AP4E1: variants seen among roughly 807,000 people sequenced by gnomAD.
The protein encoded by AP4E1 is adaptor related protein complex 4 subunit epsilon 1.
In AP4E1, 56 loss-of-function variants were observed where a neutral mutation model predicts 128.2. The ratio of observed to expected loss-of-function variants is 0.44; its 90% CI spans 0.35 to 0.55. The LOEUF is 0.55. Among genes scored for constraint, AP4E1 ranks in the 20% least tolerant of loss-of-function variants. AP4E1 has a pLI of 0.00. For missense variants in AP4E1, 1,324 were observed against 1,307.7 expected, an observed-to-expected ratio of 1.01 and a Z score of -0.19; for synonymous variants, 484 against 473.1, an observed-to-expected ratio of 1.02 and a Z score of -0.30.
chr15:50,924,075 A>T, intron 4 of AP4E1, 71 bp downstream of exon 4: 1 of 1,255,922 alleles, frequency 8.0e-7, no homozygotes, highest in Non-Finnish European at 1.2e-6. Context: ...CCTCGATCAT[A>T]TTCAACTAGA....
intron 2 of AP4E1, among the ~76,000 whole-genome samples, chr15:50,912,834 TG>T (rs2141127681): frequency 6.6e-6 from 1 of 152,244 alleles, no homozygotes; most frequent in Non-Finnish European, 1.5e-5. Context: ...GGCTAATTTT[TG>T]TATTTTTAGT....
intron 14 of AP4E1, among the ~76,000 whole-genome samples, chr15:50,962,540 T>C (rs1286902022): frequency 6.6e-6 from 1 of 151,912 alleles, no homozygotes; most frequent in Non-Finnish European, 1.5e-5. Context: ...TGAAAAGCCT[T>C]GATATCAGCA....
At chr15:50,917,840 G>T (rs774772764) in intron 3 of AP4E1, among the ~76,000 whole-genome samples, 1 of 152,074 alleles carries the variant, frequency 6.6e-6, no homozygotes, top group African/African-American at 2.4e-5. Context: ...TGGCTCATGC[G>T]TGTAATCCCA....
chr15:50,945,627 A>C (rs2064049773), intron 10 of AP4E1: 1 of 768,120 alleles, frequency 1.3e-6, no homozygotes, highest in African/African-American at 1.7e-5. Context: ...TATATCACAC[A>C]AAGCGAATGC....
chr15:50,933,450 A>G (rs551275572), intron 7 of AP4E1, among the ~76,000 whole-genome samples: 8 of 152,238 alleles, frequency 5.3e-5, no homozygotes, highest in Middle Eastern at 3.4e-3. Flanking sequence ...TCTTAGATTT[A>G]TTAAGATTTA....
intron 14 of AP4E1, among the ~76,000 whole-genome samples, chr15:50,960,198 C>T (rs979530114): frequency 6.6e-5 from 10 of 152,114 alleles, no homozygotes; most frequent in African/African-American, 2.2e-4. Flanking sequence ...ACATCACTTT[C>T]GGAATAAGAC....
intron 8 of AP4E1, among the ~76,000 whole-genome samples, chr15:50,936,383 G>GT (rs555308137): frequency 2.0e-5 from 3 of 150,998 alleles, no homozygotes; most frequent in African/African-American, 4.9e-5. Context: ...CTTGCAGAAA[G>GT]TTTTTTTTAT....
intron 3 of AP4E1, among the ~76,000 whole-genome samples, chr15:50,916,138 T>C (rs1214474794): frequency 2.0e-5 from 3 of 152,078 alleles, no homozygotes; most frequent in Non-Finnish European, 2.9e-5. Context: ...CTATGTTGCA[T>C]AGGCTGGTCT....
At chr15:50,946,260 C>T (rs146366966) in intron 10 of AP4E1, among the ~76,000 whole-genome samples, 87 of 152,222 alleles carry the variant, frequency 5.7e-4, no homozygotes, top group African/African-American at 2.1e-3. Flanking sequence ...TACAGATATA[C>T]TCTGTATATT....
chr15:50,937,276 T>C (rs1342106830), intron 8 of AP4E1, among the ~76,000 whole-genome samples: 2 of 152,236 alleles, frequency 1.3e-5, no homozygotes, highest in Non-Finnish European at 2.9e-5. Flanking sequence ...ATGAGTAATA[T>C]GCTTTAATTG....
chr15:50,990,682 A>G (rs2064794262), intron 16 of AP4E1, among the ~76,000 whole-genome samples: 1 of 152,180 alleles, frequency 6.6e-6, no homozygotes, highest in African/African-American at 2.4e-5. Flanking sequence ...GCACCTGGCC[A>G]TATTTTCCCA....
In AP4E1 at chr15:50,930,842, T is replaced by C. The variant is rs1215087297; in HGVS notation, c.740T>C (p.Phe247Ser). 5 of 1,614,014 alleles carry C rather than the reference T, an allele frequency of 3.1e-6. No homozygotes were observed. Among genetic ancestry groups the C allele is most frequent in the African/African-American group, 1.3e-5 (1 of 74,910 alleles). Residue 247 changes from phenylalanine (F) to serine (S), a missense_variant, in exon 7 of 21, where the codon TTT becomes TCT. Coordinates refer to ENST00000261842, the MANE Select transcript of AP4E1 (RefSeq NM_007347.5). ...GGATATAAAGACTTGACTGGGAGTT[T>C]TGTAACCATTTTGAAGCAAGTAGTT... Reference protein sequence around the residue: ...SSGYKDLTGSFVTILKQVVGG... With the variant: ...SSGYKDLTGSSVTILKQVVGG...
intron 1 of AP4E1, among the ~76,000 whole-genome samples, chr15:50,910,057 G>T (rs556005084): frequency 6.6e-6 from 1 of 152,350 alleles, no homozygotes; most frequent in Non-Finnish European, 1.5e-5. Flanking sequence ...TGCGATCTTG[G>T]CTCACTGGAG....
chr15:50,963,980 C>T, intron 14 of AP4E1, among the ~76,000 whole-genome samples: 1 of 152,324 alleles, frequency 6.6e-6, no homozygotes, highest in Non-Finnish European at 1.5e-5. Flanking sequence ...AGGCGTGAGC[C>T]ACCACTCCTG....
rs28812261 is a variant in AP4E1 at position 50,975,383 on chromosome 15, C to A, written c.1966+7006C>A. Among the ~76,000 whole-genome samples, 720 of 152,274 alleles carry A rather than the reference C, an allele frequency of 4.7e-3. 10 individuals are homozygous for A. Among genetic ancestry groups the A allele is most frequent in the African/African-American group, 0.017 (700 of 41,564 alleles). On this transcript the variant is annotated intron_variant, in intron 15 of 20. Transcript: ENST00000261842. ...TTGTACCATTGCACTCCAGCCTGAGCAACAAGAGCAAAACTTCATCTCTTT... is the reference window on the plus strand; with the variant it reads ...TTGTACCATTGCACTCCAGCCTGAGAAACAAGAGCAAAACTTCATCTCTTT...
intron 17 of AP4E1, among the ~76,000 whole-genome samples, chr15:50,993,836 C>A (rs2064835692): frequency 6.6e-6 from 1 of 152,318 alleles, no homozygotes; most frequent in East Asian, 1.9e-4. Flanking sequence ...CAACTTGAGT[C>A]AGGTGTTCTC....
intron 8 of AP4E1, among the ~76,000 whole-genome samples, chr15:50,939,675 C>A (rs1469307020): frequency 6.6e-6 from 1 of 152,100 alleles, no homozygotes; most frequent in Non-Finnish European, 1.5e-5. Context: ...GTTGGCACCC[C>A]AGAAACTTTA....
chr15:50,997,797 T>A lies in AP4E1; in HGVS notation c.2818T>A (p.Leu940Ile). ...TTATAAAATTTGGAAAGATGATTGT[T>A]TATTGATGGTCTGGTCAGTCACTAA... ...SSYKIWKDDCLLMVWSVTNKS... is the reference protein window; with the variant it reads ...SSYKIWKDDCILMVWSVTNKS... The change falls in exon 18 of 21, where the codon TTA (leucine) becomes ATA (isoleucine). Residue 940 changes from leucine to isoleucine, a missense_variant. By Grantham distance (5) the Leu-to-Ile change is conservative. Coordinates refer to ENST00000261842, the MANE Select transcript of AP4E1 (RefSeq NM_007347.5). 6.2e-7 allele frequency: 1 copy of A among 1,609,432 alleles called. No homozygotes were observed. Among genetic ancestry groups the A allele is most frequent in the Non-Finnish European group, 8.5e-7 (1 of 1,177,240 alleles).
At chr15:50,987,144 C>T (rs1435038129) in intron 16 of AP4E1, among the ~76,000 whole-genome samples, 3 of 152,084 alleles carry the variant, frequency 2.0e-5, no homozygotes, top group South Asian at 2.1e-4. Flanking sequence ...TCTGTGGGAT[C>T]GGTGGTGATA....
Sources: allele counts gnomAD v4.1 joint callset (sites outside exome capture counted in the v4.1 genomes callset), GRCh38; gene constraint gnomAD v4.1.1; transcripts MANE v1.5; gene names NCBI Gene and HGNC (gene_info 2026-07-23, HGNC 2026-07-21).